Variants in RIT2 observed in about 807,000 individuals in gnomAD.
RIT2 encodes Ras like without CAAX 2.
RIT2 carries 24 observed loss-of-function variants against 23.7 expected under a neutral mutation model. The observed-to-expected ratio is 1.01, with a 90% CI of 0.73 to 1.43. The LOEUF (loss-of-function observed/expected upper bound fraction) is 1.43. Ranked by LOEUF, RIT2 falls within the 40% of genes most tolerant of loss-of-function variation. The probability of loss-of-function intolerance (pLI) is 0.00; values close to 1 mark genes in which losing one functional copy is unlikely to be tolerated. For missense variants in RIT2, 236 were observed against 266.9 expected, an observed-to-expected ratio of 0.88 and a Z score of 0.81; for synonymous variants, 107 against 91.1, an observed-to-expected ratio of 1.17 and a Z score of -0.99.
At chr18:42,978,386 C>T (rs560256004) in intron 2 of RIT2, among the ~76,000 whole-genome samples, 1 of 151,858 alleles carries the variant, frequency 6.6e-6, no homozygotes, top group African/African-American at 2.4e-5. Context: ...GCCTGGCCTC[C>T]ATAGAAACTA....
At chr18:42,869,534 A>G (rs574148937) in intron 4 of RIT2, among the ~76,000 whole-genome samples, 1 of 152,234 alleles carries the variant, frequency 6.6e-6, no homozygotes, top group East Asian at 1.9e-4. Context: ...GTTTCTCTTT[A>G]TATGGTCTTG....
At position 42,908,344 on chromosome 18, in the gene RIT2, T is replaced by C. The variant is rs1908678464; in HGVS notation, c.426+15228A>G. On this transcript the variant is annotated intron_variant, in intron 4 of 4. Transcript: ENST00000326695. Reference sequence around the variant, plus strand: ...GACATTAGAATCATCATAATTTTGATGAAGAAGAGAAATGGAGAGGAGCTA... The same window carrying C: ...GACATTAGAATCATCATAATTTTGACGAAGAAGAGAAATGGAGAGGAGCTA... Among the ~76,000 whole-genome samples, 3 of 152,112 alleles carry C rather than the reference T, an allele frequency of 2.0e-5. No homozygotes were observed. In the South Asian group the frequency reaches 6.2e-4, roughly 31 times the overall value.
intron 2 of RIT2, among the ~76,000 whole-genome samples, chr18:43,009,161 T>TA (rs1182872875): frequency 1.3e-5 from 2 of 151,496 alleles, no homozygotes; most frequent in Non-Finnish European, 3.0e-5. Context: ...AAAACTTATC[T>TA]AAAAAAACCG....
chr18:42,861,160 TTAAA>T (rs1907317185), intron 4 of RIT2, among the ~76,000 whole-genome samples: 1 of 152,242 alleles, frequency 6.6e-6, no homozygotes, highest in African/African-American at 2.4e-5. Context: ...ACTCAATAGC[TTAAA>T]TAGACTATTT....
intron 4 of RIT2, among the ~76,000 whole-genome samples, chr18:42,744,162 C>T (rs750427244): frequency 2.0e-5 from 3 of 152,062 alleles, no homozygotes; most frequent in Non-Finnish European, 2.9e-5. Flanking sequence ...TTTACCTACC[C>T]AAATCTTATA....
intron 4 of RIT2, among the ~76,000 whole-genome samples, chr18:42,886,729 A>G (rs1159383204): frequency 6.6e-6 from 1 of 152,214 alleles, no homozygotes; most frequent in Non-Finnish European, 1.5e-5. Context: ...AAATGAACCA[A>G]TGCAGAAAAT....
At chr18:42,881,861 G>A (rs1907904170) in intron 4 of RIT2, among the ~76,000 whole-genome samples, 1 of 152,168 alleles carries the variant, frequency 6.6e-6, no homozygotes, top group South Asian at 2.1e-4. Flanking sequence ...CCTAGATAGT[G>A]AGTGAAGAAT....
At chr18:42,967,430 C>T (rs933055007) in intron 3 of RIT2, among the ~76,000 whole-genome samples, 2 of 151,240 alleles carry the variant, frequency 1.3e-5, no homozygotes, top group East Asian at 2.0e-4. Context: ...AGTGCAGTGG[C>T]GTGATCTCGG....
At chr18:42,972,339 G>A (rs923942203) in intron 3 of RIT2, among the ~76,000 whole-genome samples, 3 of 151,856 alleles carry the variant, frequency 2.0e-5, no homozygotes, top group Non-Finnish European at 2.9e-5. Flanking sequence ...TTAATATATA[G>A]ATTTCAAATA....
chr18:42,797,749 T>C (rs1905410318), intron 4 of RIT2, among the ~76,000 whole-genome samples: 1 of 152,154 alleles, frequency 6.6e-6, no homozygotes, highest in Non-Finnish European at 1.5e-5. Flanking sequence ...TGAATTTACA[T>C]GGATAGAAAG....
At chr18:43,009,780 C>T (rs534412545) in intron 2 of RIT2, among the ~76,000 whole-genome samples, 2 of 151,786 alleles carry the variant, frequency 1.3e-5, no homozygotes, top group South Asian at 2.1e-4. Context: ...TCTGATGCAG[C>T]GTTGAGAATG....
At chr18:42,832,855 C>T (rs1394200605) in intron 4 of RIT2, among the ~76,000 whole-genome samples, 1 of 151,882 alleles carries the variant, frequency 6.6e-6, no homozygotes, top group Non-Finnish European at 1.5e-5. Flanking sequence ...GAGTTCGAGA[C>T]CAGCCTGGCC....
intron 3 of RIT2, among the ~76,000 whole-genome samples, chr18:42,947,139 C>T (rs1909747378): frequency 6.6e-6 from 1 of 151,950 alleles, no homozygotes. Context: ...GTTCTTAATC[C>T]AAGCATTTAG....
chr18:43,025,151 C>T (rs988621070), intron 2 of RIT2, among the ~76,000 whole-genome samples: 2 of 150,356 alleles, frequency 1.3e-5, no homozygotes, highest in Non-Finnish European at 3.0e-5. Flanking sequence ...GAGGTTGCAG[C>T]GAGCCAAAAT....
rs531725758 is a variant in RIT2 at position 42,950,029 on chromosome 18, T to C, written c.234+24045A>G. ...GCACAAGATATAACATATTAAATCA[T>C]ATAATGAGGCTTGTACCCAAAACTA... is the stretch of plus-strand genomic sequence containing the variant. On this transcript the variant is annotated intron_variant, in intron 3 of 4. Transcript: ENST00000326695. 4.6e-5 allele frequency among the ~76,000 whole-genome samples: 7 copies of C among 152,250 alleles called. No homozygotes were observed. In the South Asian group the frequency reaches 1.4e-3, roughly 32 times the overall value.
intron 4 of RIT2, among the ~76,000 whole-genome samples, chr18:42,858,476 C>T (rs1358933656): frequency 7.9e-5 from 12 of 152,094 alleles, no homozygotes; most frequent in Admixed American, 5.9e-4. Flanking sequence ...GACAGTGCAG[C>T]GTTAATGCCA....
At chr18:42,966,653 T>G (rs1342350415) in intron 3 of RIT2, among the ~76,000 whole-genome samples, 2 of 152,142 alleles carry the variant, frequency 1.3e-5, no homozygotes, top group Non-Finnish European at 2.9e-5. Context: ...TCTCCAGTTT[T>G]GAGTCTAAAT....
At chr18:42,848,760 G>A (rs1392536631) in intron 4 of RIT2, among the ~76,000 whole-genome samples, 2 of 151,956 alleles carry the variant, frequency 1.3e-5, no homozygotes, top group Non-Finnish European at 2.9e-5. Context: ...TTTTTTTAGT[G>A]AAAATATTTT....
chr18:43,010,039 A>C (rs925035625), intron 2 of RIT2, among the ~76,000 whole-genome samples: 2 of 151,800 alleles, frequency 1.3e-5, no homozygotes, highest in Non-Finnish European at 2.9e-5. Flanking sequence ...AATCACATCC[A>C]CTGCAATTTA....
Sources: allele counts gnomAD v4.1 joint callset (sites outside exome capture counted in the v4.1 genomes callset), GRCh38; gene constraint gnomAD v4.1.1; transcripts MANE v1.5; gene names NCBI Gene and HGNC (gene_info 2026-07-23, HGNC 2026-07-21).